Variants in MGARP observed in about 807,000 individuals in gnomAD.
The protein encoded by MGARP is mitochondria localized glutamic acid rich protein.
In MGARP, 12 loss-of-function variants were observed where a neutral mutation model predicts 11.0. The ratio of observed to expected loss-of-function variants is 1.09; its 90% CI spans 0.70 to 1.77. The LOEUF (loss-of-function observed/expected upper bound fraction) is 1.77, where lower values mean the gene tolerates loss of function less well. Among genes scored for constraint, MGARP ranks in the 40% most tolerant of loss-of-function variants. The pLI is 0.00. For missense variants in MGARP, 283 were observed against 297.8 expected (o/e 0.95, Z 0.36); for synonymous variants, 110 against 115.4 (o/e 0.95, Z 0.30).
intron 2 of MGARP, among the ~76,000 whole-genome samples, chr4:139,269,630 CAAAAA>C (rs56142345): frequency 3.7e-5 from 3 of 81,854 alleles, no homozygotes; most frequent in African/African-American, 4.0e-5. Flanking sequence ...GACTCCATCT[CAAAAA>C]AAAAAAAAAA....
chr4:139,268,585 G>A (rs1159089126), intron 3 of MGARP, 87 bp downstream of exon 3: 1 of 894,882 alleles, frequency 1.1e-6, no homozygotes, highest in East Asian at 2.7e-5. Flanking sequence ...GAAGCCAAAA[G>A]CAAATAGTGT....
intron 2 of MGARP, among the ~76,000 whole-genome samples, chr4:139,271,955 T>C (rs1446028294): frequency 6.6e-6 from 1 of 152,320 alleles, no homozygotes; most frequent in African/African-American, 2.4e-5. Flanking sequence ...AAGTTTGTTT[T>C]TGGCACTGGT....
At chr4:139,268,575 GA>G (rs1289020767) in intron 3 of MGARP, 96 bp downstream of exon 3, 4 of 792,924 alleles carry the variant, frequency 5.0e-6, no homozygotes, top group Non-Finnish European at 5.8e-6. Flanking sequence ...AGCTAGGAAA[GA>G]AGCCAAAAGC....
In MGARP at chr4:139,268,696, T is replaced by C. The variant is rs1744732411; in HGVS notation, c.256A>G (p.Lys86Glu). 6.2e-7 allele frequency: 1 copy of C among 1,609,760 alleles called. No homozygotes were observed. ...EHKTNLKEKTKAEIHPFQGEK... is the reference protein window; with the variant it reads ...EHKTNLKEKTEAEIHPFQGEK... ...CCTTGAAATGGATGTATCTCTGCTT[T>C]TGTTTTTTCTTTCAAATTTGTTTTA... Residue 86 changes from lysine to glutamate, a missense_variant, in exon 3 of 4, where the codon AAA becomes GAA. Lys to Glu is a moderately conservative substitution (Grantham distance 56). Coordinates refer to ENST00000398955, the MANE Select transcript of MGARP (RefSeq NM_032623.4).
intron 2 of MGARP, among the ~76,000 whole-genome samples, chr4:139,272,125 T>C (rs532504548): frequency 7.2e-6 from 1 of 139,674 alleles, no homozygotes; most frequent in African/African-American, 2.9e-5. Flanking sequence ...CATTAAACAG[T>C]AGAAAGATGA....
At chr4:139,268,384 A>G (rs1436852854) in intron 3 of MGARP, among the ~76,000 whole-genome samples, 3 of 152,224 alleles carry the variant, frequency 2.0e-5, no homozygotes, top group African/African-American at 7.2e-5. Context: ...GCATGGGTGG[A>G]TGCCTGAGCA....
At chr4:139,269,752 G>C (rs1270186303) in intron 2 of MGARP, among the ~76,000 whole-genome samples, 1 of 151,874 alleles carries the variant, frequency 6.6e-6, no homozygotes, top group Non-Finnish European at 1.5e-5. Context: ...TCTTTGGCCT[G>C]TATTCATATT....
chr4:139,276,799 T>G (rs1440623412), intron 1 of MGARP, among the ~76,000 whole-genome samples: 1 of 152,158 alleles, frequency 6.6e-6, no homozygotes, highest in Non-Finnish European at 1.5e-5. Context: ...ATTGTACCAC[T>G]GCTCTCCAGC....
chr4:139,269,045 A>G (rs561765102), intron 2 of MGARP, among the ~76,000 whole-genome samples: 53 of 152,342 alleles, frequency 3.5e-4, no homozygotes, highest in Non-Finnish European at 6.3e-4. Context: ...CTGGGTGACA[A>G]ATCAATCTAT....
In MGARP at chr4:139,271,701, G is replaced by C. The variant is rs561971808; in HGVS notation, c.187-2936C>G. On this transcript the variant is annotated intron_variant, in intron 2 of 3. Coordinates refer to ENST00000398955, the MANE Select transcript of MGARP (RefSeq NM_032623.4). ...GACATGAAATGGAAGGGGAGAACAA[G>C]TATACAGGTTTTGGAGTGCCTTACA... Among the ~76,000 whole-genome samples, 3 of 152,206 alleles carry C rather than the reference G, an allele frequency of 2.0e-5. No individual in the cohort carries two copies. In the South Asian group the frequency reaches 6.2e-4, roughly 32 times the overall value.
In MGARP at chr4:139,268,761, T is replaced by C; in HGVS notation, c.191A>G (p.Tyr64Cys). The change falls in exon 3 of 4, where the codon TAC becomes TGC. Residue 64 changes from tyrosine to cysteine, a missense_variant. Transcript: ENST00000398955. The stretch of plus-strand genomic sequence containing the variant: ...GGCTTGGTCTGATGTGACTGTCTTG[T>C]AAGCCTGAAAGTAAATGTATGCTTA... ...VTVSAGGYYA[Y>C]KTVTSDQAKH... The C allele has an allele frequency of 6.2e-7, 1 of 1,604,106 alleles. No homozygotes were observed. The highest frequency in any genetic ancestry group is 8.5e-7 in the Non-Finnish European group (1 of 1,176,520).
chr4:139,280,022 G>A, intron 1 of MGARP, 55 bp downstream of exon 1: 2 of 1,589,760 alleles, frequency 1.3e-6, no homozygotes, highest in African/African-American at 1.3e-5. Flanking sequence ...TGGCGCGGGC[G>A]AAATCTGCAC....
chr4:139,266,335 G>GAA lies in MGARP; in HGVS notation c.*262_*263dup. On this transcript the variant is annotated 3_prime_UTR_variant, in exon 4 of 4. Coordinates refer to ENST00000398955, the MANE Select transcript of MGARP (RefSeq NM_032623.4). ...GACTGGGATAAAAGAAAAGTGTCTA[G>GAA]AAAAAAAAACCAAAGATGAAACTAT... 5 of 338,002 alleles carry GAA rather than the reference G, an allele frequency of 1.5e-5. No individual in the cohort carries two copies. The highest frequency in any genetic ancestry group is 8.9e-4 in the Middle Eastern group (1 of 1,118). The allele number at this position is 338,002 out of a possible 1,614,324, so 20.9% of individuals were successfully genotyped here.
rs189789827 is a variant in MGARP, at chr4:139,278,670, G to A, written c.82+1407C>T. Among the ~76,000 whole-genome samples, 5 of 152,252 alleles carry A rather than the reference G, an allele frequency of 3.3e-5. No homozygotes were observed. The East Asian group carries it at 9.6e-4, about 29-fold the overall frequency. On this transcript the variant is annotated intron_variant, in intron 1 of 3. Coordinates refer to ENST00000398955, the MANE Select transcript of MGARP (RefSeq NM_032623.4). Reference sequence around the variant, plus strand: ...CAGATAAAACGAAAGGCCACGGTCAGAGGACTAATCTTTCTCCCCGTTCTC... The same window carrying A: ...CAGATAAAACGAAAGGCCACGGTCAAAGGACTAATCTTTCTCCCCGTTCTC...
chr4:139,267,045 T>A lies in MGARP; in HGVS notation c.281-4A>T. 1 of 1,610,486 alleles carries A rather than the reference T, an allele frequency of 6.2e-7. No homozygotes were observed. The highest frequency in any genetic ancestry group is 1.1e-5 in the South Asian group (1 of 90,872). ...TCCGCAACATTCTCCTTTTCACCTT[T>A]AAGAATTAGTCATTAAGCAAGGTAT... On this transcript the variant is annotated splice_region_variant and splice_polypyrimidine_tract_variant and intron_variant, in intron 3 of 3. Coordinates refer to ENST00000398955, the MANE Select transcript of MGARP (RefSeq NM_032623.4).
At chr4:139,271,698 C>T (rs1041445855) in intron 2 of MGARP, among the ~76,000 whole-genome samples, 1 of 152,110 alleles carries the variant, frequency 6.6e-6, no homozygotes, top group Admixed American at 6.6e-5. Context: ...AAGGGGAGAA[C>T]AAGTATACAG....
In MGARP at chr4:139,266,596, A is replaced by C. The variant is rs769022355; in HGVS notation, c.*3T>G. 6.2e-7 allele frequency: 1 copy of C among 1,608,558 alleles called. No individual in the cohort carries two copies. Among genetic ancestry groups the C allele is most frequent in the South Asian group, 1.1e-5 (1 of 90,952 alleles). The stretch of plus-strand genomic sequence containing the variant: ...TGTTGCTGAAATGTCTACCGGCTGG[A>C]GATTAGCCTTGAGCCGAAGCAGCCT... On this transcript the variant is annotated 3_prime_UTR_variant, in exon 4 of 4. Coordinates refer to ENST00000398955, the MANE Select transcript of MGARP (RefSeq NM_032623.4).
chr4:139,266,378 A>G lies in MGARP; in HGVS notation c.*221T>C, dbSNP rs1044103834. On this transcript the variant is annotated 3_prime_UTR_variant, in exon 4 of 4. Coordinates refer to ENST00000398955, the MANE Select transcript of MGARP (RefSeq NM_032623.4). ...GAAACTATTTAAGCTCTTTACTGCA[A>G]TGTCATATTCTGATCTCAGACAGTA... is the stretch of plus-strand genomic sequence containing the variant. 2 of 488,346 alleles carry G rather than the reference A, an allele frequency of 4.1e-6. No individual in the cohort carries two copies. The highest frequency in any genetic ancestry group is 3.6e-6 in the Non-Finnish European group (1 of 278,624). The allele number at this position is 488,346 out of a possible 1,614,324, so 30.3% of individuals were successfully genotyped here.
In MGARP at chr4:139,267,110, C is replaced by A. The variant is rs545745859; in HGVS notation, c.281-69G>T. On this transcript the variant is annotated intron_variant, in intron 3 of 3. Transcript: ENST00000398955. ...TGGGAAGGCAATGAAACACTGCGGTCGTTTAAACACCTAAGACAGAACTAC... is the reference window on the plus strand; with the variant it reads ...TGGGAAGGCAATGAAACACTGCGGTAGTTTAAACACCTAAGACAGAACTAC... 3 of 1,461,858 alleles carry A rather than the reference C, an allele frequency of 2.1e-6. No individual in the cohort carries two copies. The South Asian group carries it at 3.8e-5, about 18-fold the overall frequency. 90.6% of individuals were successfully genotyped at this position (1,461,858 alleles called of 1,614,324 possible).
Sources: allele counts gnomAD v4.1 joint callset (sites outside exome capture counted in the v4.1 genomes callset), GRCh38; gene constraint gnomAD v4.1.1; transcripts MANE v1.5; gene names NCBI Gene and HGNC (gene_info 2026-07-23, HGNC 2026-07-21).